GARNL3: variants seen among roughly 807,000 people sequenced by gnomAD.
GARNL3 encodes the protein GTPase activating Rap/RanGAP domain like 3, also known as GTPase-activating Rap/Ran-GAP domain-like protein 3.
Under a neutral mutation model 125.0 loss-of-function variants are expected in GARNL3, and 63 were observed. That is an observed-to-expected ratio of 0.50 (90% CI 0.41 to 0.62). The LOEUF (loss-of-function observed/expected upper bound fraction) is 0.62, where lower values mean the gene tolerates loss of function less well. Among genes scored for constraint, GARNL3 ranks in the 20% least tolerant of loss-of-function variants. The pLI, the probability that GARNL3 is intolerant of heterozygous loss-of-function variation, is 0.00. For missense variants in GARNL3, 994 were observed against 1,244.0 expected, an observed-to-expected ratio of 0.80 and a Z score of 3.02; for synonymous variants, 439 against 457.5, an observed-to-expected ratio of 0.96 and a Z score of 0.52.
At chr9:127,257,614 G>A (rs1211255276) in intron 2 of GARNL3, among the ~76,000 whole-genome samples, 1 of 152,136 alleles carries the variant, frequency 6.6e-6, no homozygotes, top group Non-Finnish European at 1.5e-5. Context: ...TTCTGTAGGA[G>A]GTGTGCTTTC....
chr9:127,385,206 C>G lies in GARNL3; in HGVS notation c.2388+61C>G. 2 of 999,432 alleles carry G rather than the reference C, an allele frequency of 2.0e-6. No individual in the cohort carries two copies. The highest frequency in any genetic ancestry group is 3.2e-5 in the South Asian group (2 of 63,372). 61.9% of individuals were successfully genotyped at this position (999,432 alleles called of 1,614,324 possible). A position where few individuals can be genotyped will look rare whatever the true frequency, so the allele number is the denominator to read the frequency against. ...GGGGGACCCCGGCACTGTGGGATTT[C>G]AGGTGAGCACAGAAGCCGCCTCTTG... On this transcript the variant is annotated intron_variant, in intron 24 of 27. Coordinates refer to ENST00000373387, the MANE Select transcript of GARNL3 (RefSeq NM_032293.5). The surrounding 1 kb of genome is among the most constrained non-coding windows in gnomAD (Gnocchi z 4.1).
intron 1 of GARNL3, among the ~76,000 whole-genome samples, chr9:127,231,003 CAT>C (rs10552797): frequency 0.04 from 5,231 of 131,894 alleles, 365 homozygotes; most frequent in African/African-American, 0.14. Context: ...TATATATACA[CAT>C]ATGTGTATAT....
At chr9:127,320,842 C>T in intron 6 of GARNL3, 64 bp downstream of exon 6, 1 of 1,098,544 alleles carries the variant, frequency 9.1e-7, no homozygotes, top group Middle Eastern at 2.2e-4. Flanking sequence ...ATAGAACTGA[C>T]AGGTCATCAT....
In GARNL3 at chr9:127,225,868, C is replaced by T. The variant is rs544581728; in HGVS notation, c.-29+1530C>T. On this transcript the variant is annotated intron_variant, in intron 1 of 10. Transcript: ENST00000439286. ...GCGCCCCTCTCCCTCGCGACGCCGG[C>T]CTCTGCCCGGGCCGCCGGCGCCCCT... is the stretch of plus-strand genomic sequence containing the variant. Among the ~76,000 whole-genome samples the T allele has an allele frequency of 3.3e-5, 5 of 151,110 alleles. No homozygotes were observed. The East Asian group carries it at 7.8e-4, about 24-fold the overall frequency.
chr9:127,272,661 GTA>G (rs1253348120), intron 1 of GARNL3, among the ~76,000 whole-genome samples: 2 of 152,062 alleles, frequency 1.3e-5, no homozygotes, highest in African/African-American at 2.4e-5. Flanking sequence ...TGTATTTTTA[GTA>G]GAGACAGGTT....
chr9:127,345,527 A>G (rs1256729804), intron 16 of GARNL3, 50 bp downstream of exon 16: 1 of 1,169,528 alleles, frequency 8.6e-7, no homozygotes, highest in Non-Finnish European at 1.3e-6. Flanking sequence ...CTTTTCCTTA[A>G]TGAAAATGAT....
rs1187629641 is a variant in GARNL3 at position 127,392,291 on chromosome 9, G to T, written c.2871-792G>T. Among the ~76,000 whole-genome samples the T allele has an allele frequency of 1.3e-5, 2 of 152,260 alleles. No homozygotes were observed. The highest frequency in any genetic ancestry group is 2.4e-5 in the African/African-American group (1 of 41,466). ...ATAAAATCATTTCAAATAGTGACAAGTGCTACAAGAAATTGAGAAGAAGTG... is the reference window on the plus strand; with the variant it reads ...ATAAAATCATTTCAAATAGTGACAATTGCTACAAGAAATTGAGAAGAAGTG... On this transcript the variant is annotated intron_variant, in intron 27 of 27. Coordinates refer to ENST00000373387, the MANE Select transcript of GARNL3 (RefSeq NM_032293.5). The surrounding 1 kb of genome is among the most constrained non-coding windows in gnomAD (Gnocchi z 5.2).
intron 1 of GARNL3, among the ~76,000 whole-genome samples, chr9:127,241,758 T>C (rs1417823967): frequency 6.6e-6 from 1 of 151,632 alleles, no homozygotes; most frequent in East Asian, 1.9e-4. Flanking sequence ...TTTTTGTTTG[T>C]TTGTTTGTTT....
chr9:127,297,608 G>A (rs2131396898), intron 2 of GARNL3, among the ~76,000 whole-genome samples: 1 of 152,236 alleles, frequency 6.6e-6, no homozygotes, highest in East Asian at 1.9e-4. Context: ...GTTGATATAG[G>A]CACATAGACA....
At chr9:127,387,130 G>A in intron 24 of GARNL3, 63 bp from the exon 25 acceptor site, 2 of 1,535,956 alleles carry the variant, frequency 1.3e-6, no homozygotes, top group Non-Finnish European at 1.8e-6. Context: ...GATGGCAGGA[G>A]GGCCAGTGGA....
At chr9:127,276,302 C>G (rs2063954704) in intron 1 of GARNL3, among the ~76,000 whole-genome samples, 1 of 151,992 alleles carries the variant, frequency 6.6e-6, no homozygotes, top group African/African-American at 2.4e-5. Flanking sequence ...ACTCTGTAGC[C>G]CTGTTAAAAT....
At chr9:127,313,755 GA>G (rs373572237) in intron 4 of GARNL3, among the ~76,000 whole-genome samples, 196 bp downstream of exon 4, 3,803 of 147,074 alleles carry the variant, frequency 0.026, 163 homozygotes, top group African/African-American at 0.09. Flanking sequence ...CTGGCCTTTT[GA>G]AAAAAAAAAA....
chr9:127,310,894 C>T (rs1463879264), intron 2 of GARNL3, among the ~76,000 whole-genome samples: 3 of 152,090 alleles, frequency 2.0e-5, no homozygotes, highest in Non-Finnish European at 4.4e-5. Context: ...ATCAGTCCTC[C>T]TAGATGTCAG....
At chr9:127,235,174 T>C (rs2063088571) in intron 1 of GARNL3, among the ~76,000 whole-genome samples, 1 of 151,336 alleles carries the variant, frequency 6.6e-6, no homozygotes, top group South Asian at 2.1e-4. Context: ...ATTGAGAAAG[T>C]TTCCTTTTTT....
intron 2 of GARNL3, chr9:127,245,258 G>T (rs184846778): frequency 2.0e-5 from 3 of 152,490 alleles, no homozygotes; most frequent in Admixed American, 2.0e-4. Context: ...GAGAGCCTAT[G>T]AGCACAGCGC....
chr9:127,244,030 G>C (rs1014101115), intron 2 of GARNL3, among the ~76,000 whole-genome samples: 1 of 152,234 alleles, frequency 6.6e-6, no homozygotes, highest in Non-Finnish European at 1.5e-5. Context: ...CAGTGCTTTT[G>C]TGAAGCGAGT....
Position 127,339,695 on chromosome 9 carries a change from C to T in GARNL3, c.1079C>T (p.Pro360Leu), listed in dbSNP as rs1829757959. ...ESVPLFGPPL[P>L]TPPVFTDHQE... ...GTACCACTCTTTGGCCCTCCCTTGC[C>T]AACTCCACCAGTGTTTACAGACCAC... Residue 360 changes from proline (P) to leucine (L), a missense_variant, in exon 13 of 28, where the codon CCA (proline) becomes CTA (leucine). This residue lies in a region of GARNL3 where 728 missense variants were observed against 865.7 expected (regional missense o/e 0.84). Transcript: ENST00000373387. 1 of 1,613,792 alleles carries T rather than the reference C, an allele frequency of 6.2e-7. No individual in the cohort carries two copies. The highest frequency in any genetic ancestry group is 8.5e-7 in the Non-Finnish European group (1 of 1,179,778).
chr9:127,244,157 TTGTC>T (rs1364962834), intron 2 of GARNL3, among the ~76,000 whole-genome samples: 2 of 152,154 alleles, frequency 1.3e-5, no homozygotes, highest in African/African-American at 2.4e-5. Flanking sequence ...GGAAGACACT[TTGTC>T]TGCCCTCAAG....
chr9:127,350,308 A>G (rs552855810), intron 17 of GARNL3, among the ~76,000 whole-genome samples: 5 of 152,312 alleles, frequency 3.3e-5, no homozygotes, highest in Non-Finnish European at 7.3e-5. Context: ...AATAGTTTAT[A>G]ATGATGAAAA....
Sources: gnomAD v4.1 joint callset for allele counts (sites outside exome capture counted in the v4.1 genomes callset) on GRCh38, gnomAD v4.1.1 for gene constraint, gnomAD v4.1.1 regional missense constraint, Gnocchi (gnomAD v3.1) non-coding constraint, MANE v1.5 for transcripts, NCBI Gene and HGNC (gene_info 2026-07-23, HGNC 2026-07-21) for gene names.